Variants in PIP4P2 observed in about 807,000 individuals in gnomAD.
PIP4P2 encodes phosphatidylinositol-4,5-bisphosphate 4-phosphatase 2.
PIP4P2 carries 19 observed loss-of-function variants against 33.3 expected under a neutral mutation model. The observed-to-expected ratio is 0.57, with a 90% CI of 0.40 to 0.84. The LOEUF is 0.84. PIP4P2 is among the 40% of genes least tolerant of loss of function. PIP4P2 has a pLI of 0.00. For synonymous variants in PIP4P2, 110 were observed against 111.9 expected (o/e 0.98, Z 0.11); for missense variants, 270 against 324.7 (o/e 0.83, Z 1.29).
chr8:91,040,579 T>A (rs1050395993), intron 1 of PIP4P2, 65 bp downstream of exon 1: 10 of 1,575,866 alleles, frequency 6.3e-6, no homozygotes, highest in Admixed American at 3.4e-5. Flanking sequence ...CAGGTCTTTA[T>A]CCTTCTGGGC....
intron 5 of PIP4P2, among the ~76,000 whole-genome samples, chr8:91,003,350 T>A (rs779035309): frequency 6.6e-6 from 1 of 152,132 alleles, no homozygotes; most frequent in African/African-American, 2.4e-5. Context: ...GTAGAAATCA[T>A]GAGAATAAGA....
intron 5 of PIP4P2, among the ~76,000 whole-genome samples, chr8:91,003,076 A>G (rs982343937): frequency 1.3e-5 from 2 of 152,208 alleles, no homozygotes; most frequent in Non-Finnish European, 2.9e-5. Flanking sequence ...AATAATTTAT[A>G]TGAAACTAAA....
intron 1 of PIP4P2, among the ~76,000 whole-genome samples, chr8:91,033,061 C>T (rs1193397821): frequency 6.6e-6 from 1 of 152,166 alleles, no homozygotes; most frequent in African/African-American, 2.4e-5. Flanking sequence ...GAAGAGTCTG[C>T]ATAGTCCTTG....
intron 1 of PIP4P2, among the ~76,000 whole-genome samples, chr8:91,034,760 G>A (rs1358812588): frequency 1.3e-5 from 2 of 152,178 alleles, no homozygotes; most frequent in Non-Finnish European, 2.9e-5. Flanking sequence ...GGTTGTGCAT[G>A]TGGTAAGAGT....
At chr8:90,995,882 A>G in intron 6 of PIP4P2, 62 bp from the exon 7 acceptor site, 1 of 1,497,814 alleles carries the variant, frequency 6.7e-7, no homozygotes, top group Non-Finnish European at 8.9e-7. Flanking sequence ...CTGCTTAGGG[A>G]ACTTGTATCA....
At position 91,009,588 on chromosome 8, in the gene PIP4P2, T is replaced by G. The variant is rs1455834108; in HGVS notation, c.487-793A>C. Among the ~76,000 whole-genome samples the G allele has an allele frequency of 4.6e-5, 7 of 151,938 alleles. No individual in the cohort carries two copies. In the South Asian group the frequency reaches 8.3e-4, roughly 18 times the overall value. ...AAAATTTCTTTAAGTACTTTGGCAG[T>G]TTATCATCAAAACAACATATTTTTA... On this transcript the variant is annotated intron_variant, in intron 4 of 6. Coordinates refer to ENST00000285419, the MANE Select transcript of PIP4P2 (RefSeq NM_018710.3).
intron 4 of PIP4P2, among the ~76,000 whole-genome samples, chr8:91,010,655 A>T (rs1018337487): frequency 6.6e-6 from 1 of 151,924 alleles, no homozygotes; most frequent in Non-Finnish European, 1.5e-5. Flanking sequence ...TAATTTTCTT[A>T]TAATTTATTC....
At chr8:91,031,867 T>C (rs1027930752) in intron 1 of PIP4P2, among the ~76,000 whole-genome samples, 5 of 152,306 alleles carry the variant, frequency 3.3e-5, no homozygotes, top group African/African-American at 7.2e-5. Flanking sequence ...TATAGATATA[T>C]TTTCCTAAGT....
chr8:91,020,394 AT>A, intron 2 of PIP4P2, 131 bp from the exon 3 acceptor site: 1 of 812,404 alleles, frequency 1.2e-6, no homozygotes, highest in Non-Finnish European at 2.0e-6. Flanking sequence ...TTAAGGTTTT[AT>A]TTTATGATTT....
In PIP4P2 at chr8:91,006,619, A is replaced by C. The variant is rs539532394; in HGVS notation, c.539+2124T>G. On this transcript the variant is annotated intron_variant, in intron 5 of 6. Transcript: ENST00000285419. ...TTGCTGTAAAGATTACAGCTAGTAT[A>C]TATGTATATATAAAGCAACTATCAC... Among the ~76,000 whole-genome samples the C allele has an allele frequency of 4.5e-4, 69 of 152,312 alleles. 1 individual carries two copies. In the South Asian group the frequency reaches 0.014, roughly 30 times the overall value.
intron 1 of PIP4P2, among the ~76,000 whole-genome samples, chr8:91,025,082 A>G (rs940974298): frequency 6.6e-6 from 1 of 151,578 alleles, no homozygotes; most frequent in African/African-American, 2.4e-5. Context: ...TTAAGGACCA[A>G]TGGGGGGATT....
chr8:91,027,562 T>C (rs1176253782), intron 1 of PIP4P2, among the ~76,000 whole-genome samples: 1 of 152,190 alleles, frequency 6.6e-6, no homozygotes, highest in Non-Finnish European at 1.5e-5. Context: ...AACATTTTGA[T>C]AATATGTATT....
At position 91,021,336 on chromosome 8, in the gene PIP4P2, G is replaced by A. The variant is rs202042773; in HGVS notation, c.175C>T (p.Arg59Cys). Reference protein sequence around the residue: ...DASGIPVINCRVCQSLINLDG... With the variant: ...DASGIPVINCCVCQSLINLDG... ...AAATTGATTAGTGATTGGCACACAC[G>A]GCAGTTTATTACTGGAATACCACTG... The change falls in exon 2 of 7, where the codon CGT becomes TGT. Residue 59 changes from arginine to cysteine, a missense_variant. Arg to Cys is a radical substitution (Grantham distance 180, BLOSUM62 -3). Coordinates refer to ENST00000285419, the MANE Select transcript of PIP4P2 (RefSeq NM_018710.3). The A allele has an allele frequency of 5.1e-5, 83 of 1,613,706 alleles. No individual in the cohort carries two copies. The highest frequency in any genetic ancestry group is 6.4e-5 in the Non-Finnish European group (76 of 1,179,856).
rs77931702 is a variant in PIP4P2 at position 91,011,232 on chromosome 8, T to C, written c.487-2437A>G. Among the ~76,000 whole-genome samples, 260 of 152,136 alleles carry C rather than the reference T, an allele frequency of 1.7e-3. 1 individual carries two copies. Among genetic ancestry groups the C allele is most frequent in the African/African-American group, 6.1e-3 (253 of 41,550 alleles). Reference sequence around the variant, plus strand: ...ACTTCAGGGCAAAGTTAGAACTAAGTTGTGTTCACTTTTATTAAAGAACAA... The same window carrying C: ...ACTTCAGGGCAAAGTTAGAACTAAGCTGTGTTCACTTTTATTAAAGAACAA... On this transcript the variant is annotated intron_variant, in intron 4 of 6. Transcript: ENST00000285419.
chr8:90,995,968 G>A (rs1457860121), intron 6 of PIP4P2, 148 bp from the exon 7 acceptor site: 1 of 808,896 alleles, frequency 1.2e-6, no homozygotes, highest in Non-Finnish European at 1.8e-6. Flanking sequence ...TGTATCTGTT[G>A]ACTGCAACTG....
At chr8:91,040,439 C>T (rs998021280) in intron 1 of PIP4P2, among the ~76,000 whole-genome samples, 2 of 151,156 alleles carry the variant, frequency 1.3e-5, no homozygotes, top group Non-Finnish European at 3.0e-5. Context: ...ACCACCACCA[C>T]CATCACCACC....
At chr8:90,999,979 C>A (rs1192927962) in intron 5 of PIP4P2, among the ~76,000 whole-genome samples, 3 of 151,842 alleles carry the variant, frequency 2.0e-5, no homozygotes, top group African/African-American at 4.8e-5. Context: ...CCTTTATTTC[C>A]AGACTTCTTT....
At chr8:91,021,464 T>C (rs1011630935) in intron 1 of PIP4P2, 60 bp from the exon 2 acceptor site, 1 of 1,555,986 alleles carries the variant, frequency 6.4e-7, no homozygotes, top group African/African-American at 1.4e-5. Flanking sequence ...CTGGTTTGAG[T>C]ATAGAGGCAA....
At chr8:91,003,954 GAT>G (rs1491342733) in intron 5 of PIP4P2, among the ~76,000 whole-genome samples, 4 of 111,326 alleles carry the variant, frequency 3.6e-5, no homozygotes, top group Non-Finnish European at 7.9e-5. Flanking sequence ...ACAGGAGATA[GAT>G]AGATAGATAG....
Sources: allele counts gnomAD v4.1 joint callset (sites outside exome capture counted in the v4.1 genomes callset), GRCh38; gene constraint gnomAD v4.1.1; transcripts MANE v1.5; gene names NCBI Gene and HGNC (gene_info 2026-07-23, HGNC 2026-07-21).